IGSF21: variants seen among roughly 807,000 people sequenced by gnomAD.
IGSF21 encodes immunoglobulin superfamily member 21.
Under a neutral mutation model 46.8 loss-of-function variants are expected in IGSF21, and 28 were observed. The ratio of observed to expected loss-of-function variants is 0.60; its 90% CI spans 0.44 to 0.82. IGSF21 has a LOEUF of 0.82. Ranked by LOEUF, IGSF21 falls within the 40% of genes least tolerant of loss-of-function variation. The pLI is 0.00. For missense variants in IGSF21, 624 were observed against 665.5 expected (o/e 0.94, Z 0.69); for synonymous variants, 284 against 273.6 (o/e 1.04, Z -0.38).
At chr1:18,250,276 G>A (rs972515599) in intron 2 of IGSF21, among the ~76,000 whole-genome samples, 5 of 151,982 alleles carry the variant, frequency 3.3e-5, no homozygotes, top group African/African-American at 9.7e-5. Context: ...TCCTTCAGGA[G>A]CAAATGACTG....
Position 18,307,434 on chromosome 1 carries a change from T to C in IGSF21, c.305+15447T>C, listed in dbSNP as rs559972493. ...AGAACTTTACACACATCGACTCATC[T>C]ATCCTCACAATGTTACAACGAAGCA... On this transcript the variant is annotated intron_variant, in intron 3 of 9. Coordinates refer to ENST00000251296, the MANE Select transcript of IGSF21 (RefSeq NM_032880.5). Among the ~76,000 whole-genome samples, 3 of 152,372 alleles carry C rather than the reference T, an allele frequency of 2.0e-5. No individual in the cohort carries two copies. In the South Asian group the frequency reaches 6.2e-4, roughly 32 times the overall value.
At chr1:18,113,107 T>G (rs1317631488) in intron 1 of IGSF21, 1 of 152,232 alleles carries the variant, frequency 6.6e-6, no homozygotes, top group African/African-American at 2.4e-5. Flanking sequence ...AGACAGCTGC[T>G]TTTTCATCAC....
At chr1:18,333,662 T>C (rs889011746) in intron 3 of IGSF21, among the ~76,000 whole-genome samples, 1 of 152,198 alleles carries the variant, frequency 6.6e-6, no homozygotes, top group East Asian at 1.9e-4. Flanking sequence ...TTTGACTCCA[T>C]GTCAAGGCTC....
intron 4 of IGSF21, among the ~76,000 whole-genome samples, chr1:18,356,893 A>T (rs2124625275): frequency 6.6e-6 from 1 of 151,598 alleles, no homozygotes; most frequent in African/African-American, 2.4e-5. Flanking sequence ...TGGTCGTGAG[A>T]TGGAGACAGA....
chr1:18,376,680 C>A (rs1229179376), intron 7 of IGSF21, 120 bp from the exon 8 acceptor site: 28 of 930,854 alleles, frequency 3.0e-5, no homozygotes, highest in Non-Finnish European at 4.6e-5. Context: ...TCAGGGCAGC[C>A]ACTCCTAACC....
chr1:18,137,454 G>A (rs558672865), intron 1 of IGSF21, among the ~76,000 whole-genome samples: 15 of 152,274 alleles, frequency 9.9e-5, no homozygotes, highest in South Asian at 6.2e-4. Flanking sequence ...CACCCTAAGA[G>A]ATTGGAGCCA....
chr1:18,336,440 T>C (rs976283012), intron 4 of IGSF21, among the ~76,000 whole-genome samples: 11 of 152,266 alleles, frequency 7.2e-5, no homozygotes, highest in Non-Finnish European at 1.0e-4. Context: ...GATGCAGAAA[T>C]GGATCACAGA....
intron 2 of IGSF21, among the ~76,000 whole-genome samples, chr1:18,257,506 G>A (rs529691407): frequency 9.1e-4 from 138 of 152,222 alleles, no homozygotes; most frequent in African/African-American, 2.9e-3. Context: ...TGGAGGCTAC[G>A]GAGGCTCAGA....
At chr1:18,227,242 G>A (rs1285759090) in intron 1 of IGSF21, among the ~76,000 whole-genome samples, 2 of 152,112 alleles carry the variant, frequency 1.3e-5, no homozygotes, top group Non-Finnish European at 2.9e-5. Flanking sequence ...AGGGTGTTAA[G>A]GAAGCCAATG....
At chr1:18,226,705 C>T (rs1407584222) in intron 1 of IGSF21, among the ~76,000 whole-genome samples, 1 of 152,208 alleles carries the variant, frequency 6.6e-6, no homozygotes, top group African/African-American at 2.4e-5. Context: ...CATTGAGTTC[C>T]AGGCAGGGGT....
At chr1:18,302,170 G>A (rs556106887) in intron 3 of IGSF21, among the ~76,000 whole-genome samples, 194 of 516 alleles carry the variant, frequency 0.38, no homozygotes, top group Non-Finnish European at 0.42. Context: ...GCCCAAAGGT[G>A]CTCCAGGCCC....
chr1:18,219,814 G>A (rs1350159766), intron 1 of IGSF21, among the ~76,000 whole-genome samples: 1 of 152,176 alleles, frequency 6.6e-6, no homozygotes, highest in African/African-American at 2.4e-5. Context: ...GGGCATGGAG[G>A]ATGTTTGCAT....
At chr1:18,363,872 C>T (rs2086130685) in intron 5 of IGSF21, among the ~76,000 whole-genome samples, 1 of 152,032 alleles carries the variant, frequency 6.6e-6, no homozygotes. Context: ...GGAACAGAGA[C>T]AAGCCTCAGT....
At chr1:18,288,873 G>C (rs1028038069) in intron 2 of IGSF21, among the ~76,000 whole-genome samples, 4 of 152,182 alleles carry the variant, frequency 2.6e-5, no homozygotes, top group African/African-American at 7.2e-5. Flanking sequence ...CACAGAAGCA[G>C]TTATTTACTC....
At chr1:18,241,089 G>A (rs1429167547) in intron 2 of IGSF21, among the ~76,000 whole-genome samples, 1 of 152,184 alleles carries the variant, frequency 6.6e-6, no homozygotes, top group African/African-American at 2.4e-5. Flanking sequence ...ACCCTTGAGT[G>A]AACATTCAAA....
At chr1:18,330,294 A>G (rs1301099412) in intron 3 of IGSF21, among the ~76,000 whole-genome samples, 1 of 152,188 alleles carries the variant, frequency 6.6e-6, no homozygotes, top group Non-Finnish European at 1.5e-5. Flanking sequence ...TGGTCTGCCA[A>G]TGAGAACTAG....
chr1:18,185,024 A>G (rs557591090), intron 1 of IGSF21, among the ~76,000 whole-genome samples: 2 of 152,334 alleles, frequency 1.3e-5, no homozygotes, highest in African/African-American at 4.8e-5. Flanking sequence ...AGTATTTGGC[A>G]CAATAGTATT....
chr1:18,328,770 C>A (rs1167488772), intron 3 of IGSF21, among the ~76,000 whole-genome samples: 5 of 152,170 alleles, frequency 3.3e-5, no homozygotes, highest in African/African-American at 1.2e-4. Flanking sequence ...AAACTCATTT[C>A]CTGTGTCCTC....
intron 1 of IGSF21, among the ~76,000 whole-genome samples, chr1:18,170,989 T>G (rs1263791412): frequency 2.0e-5 from 3 of 151,936 alleles, no homozygotes; most frequent in African/African-American, 7.3e-5. Flanking sequence ...AGGCATAGCA[T>G]GAACAAAAGC....
Sources: gnomAD v4.1 joint callset for allele counts (sites outside exome capture counted in the v4.1 genomes callset) on GRCh38, gnomAD v4.1.1 for gene constraint, MANE v1.5 for transcripts, NCBI Gene and HGNC (gene_info 2026-07-23, HGNC 2026-07-21) for gene names.